SLC16A3: variants seen among roughly 807,000 people sequenced by gnomAD.
SLC16A3 encodes the protein monocarboxylate transporter 4.
In SLC16A3, 22 loss-of-function variants were observed where a neutral mutation model predicts 25.0. The observed-to-expected ratio is 0.88, with a 90% CI of 0.63 to 1.26. The LOEUF is 1.26. SLC16A3 is among the 50% of genes most tolerant of loss of function. The pLI is 0.00. For synonymous variants in SLC16A3, 390 were observed against 309.2 expected, an observed-to-expected ratio of 1.26 and a Z score of -2.74; for missense variants, 731 against 666.6, an observed-to-expected ratio of 1.10 and a Z score of -1.06.
In SLC16A3 at chr17:82,237,119, C is replaced by T; in HGVS notation, c.368-19C>T. 6.7e-7 allele frequency: 1 copy of T among 1,493,984 alleles called. No individual in the cohort carries two copies. Among genetic ancestry groups the T allele is most frequent in the Non-Finnish European group, 8.9e-7 (1 of 1,120,092 alleles). 92.5% of individuals were successfully genotyped at this position (1,493,984 alleles called of 1,614,324 possible). A position where few individuals can be genotyped will look rare whatever the true frequency, so the allele number is the denominator to read the frequency against. ...TGGGGCAGCCTTGGGGGGCTCTCAC[C>T]ACATTCCCTTTCCTCCAGGGTTGGG... On this transcript the variant is annotated intron_variant, in intron 3 of 4. Coordinates refer to ENST00000582743, the MANE Select transcript of SLC16A3 (RefSeq NM_004207.4).
chr17:82,224,339 CAGTCACCT>C (rs2050408335), upstream of SLC16A3, among the ~76,000 whole-genome samples: 1 of 112,546 alleles, frequency 8.9e-6, no homozygotes. Context: ...TACACCTGTG[CAGTCACCT>C]GTGCAGACAC....
In SLC16A3 at chr17:82,237,218, G is replaced by A. The variant is rs1390615828; in HGVS notation, c.448G>A (p.Gly150Arg). 1.3e-6 allele frequency: 2 copies of A among 1,547,380 alleles called. No individual in the cohort carries two copies. The highest frequency in any genetic ancestry group is 2.0e-5 in the Admixed American group (1 of 50,264). The change falls in exon 4 of 5, where the codon GGG becomes AGG. Residue 150 changes from glycine to arginine, a missense_variant. Coordinates refer to ENST00000582743, the MANE Select transcript of SLC16A3 (RefSeq NM_004207.4). ...YFSKRRPMAN[G>R]LAAAGSPVFL... is the part of the protein sequence containing the mutation. ...CAGCAAGCGGCGCCCCATGGCCAAC[G>A]GGCTGGCGGCAGCAGGTAGCCCTGT...
At chr17:82,232,921 G>GGGGGA (rs1234524686) in intron 1 of SLC16A3, among the ~76,000 whole-genome samples, 1 of 150,650 alleles carries the variant, frequency 6.6e-6, no homozygotes, top group Non-Finnish European at 1.5e-5. Flanking sequence ...GGGGCGGCGG[G>GGGGGA]GGGGGGGTTG....
chr17:82,237,055 C>T, intron 3 of SLC16A3, 83 bp from the exon 4 acceptor site: 1 of 1,458,662 alleles, frequency 6.9e-7, no homozygotes, highest in Non-Finnish European at 9.1e-7. Context: ...GAGCCTGAGC[C>T]TGTGGGAACC....
At chr17:82,236,549 C>T (rs931516778) in intron 2 of SLC16A3, 180 bp from the exon 3 acceptor site, 9 of 815,970 alleles carry the variant, frequency 1.1e-5, no homozygotes, top group South Asian at 1.7e-5. Flanking sequence ...GCCCAGCAGG[C>T]GGCGCTCACG....
intron 1 of SLC16A3, among the ~76,000 whole-genome samples, chr17:82,232,972 G>A (rs1047395055): frequency 3.3e-5 from 5 of 149,694 alleles, no homozygotes; most frequent in East Asian, 4.0e-4. Flanking sequence ...GTGTGCCCAC[G>A]GAGAGGCCAA....
chr17:82,223,882 G>A (rs567354650), upstream of SLC16A3, among the ~76,000 whole-genome samples: 5 of 152,064 alleles, frequency 3.3e-5, no homozygotes, highest in East Asian at 5.8e-4. Flanking sequence ...GTGACAGAGC[G>A]AGAGGTCACT....
intron 1 of SLC16A3, chr17:82,233,875 C>T (rs2050541593): frequency 6.6e-6 from 1 of 152,052 alleles, no homozygotes; most frequent in Admixed American, 6.6e-5. Flanking sequence ...GAGTCTCGCT[C>T]TGTGGCCCAG....
chr17:82,227,568 A>G (rs924113790), upstream of SLC16A3, among the ~76,000 whole-genome samples: 9 of 123,678 alleles, frequency 7.3e-5, no homozygotes, highest in African/African-American at 4.2e-4. Flanking sequence ...GTGCAGGAAG[A>G]TGGGAGCACC....
At chr17:82,230,482 T>G (rs1243503651) in intron 1 of SLC16A3, 1 of 152,410 alleles carries the variant, frequency 6.6e-6, no homozygotes, top group African/African-American at 2.4e-5. Flanking sequence ...CAGACCCCAC[T>G]GACTGGAGCG....
intron 1 of SLC16A3, chr17:82,235,013 C>T (rs2147125405): frequency 6.6e-6 from 1 of 152,424 alleles, no homozygotes; most frequent in South Asian, 2.1e-4. Context: ...GAGGAGAGGA[C>T]AAGGTGACTT....
At position 82,237,725 on chromosome 17, in the gene SLC16A3, G is replaced by A. The variant is rs754295601; in HGVS notation, c.955G>A (p.Gly319Ser). ...DLAGSTAGDYGGLVVFCIFFG... is the reference protein window; with the variant it reads ...DLAGSTAGDYSGLVVFCIFFG... ...GGCGGGTTCTACGGCGGGCGACTAC[G>A]GCGGCCTCGTGGTCTTCTGCATCTT... The change falls in exon 4 of 5, where the codon GGC (glycine) becomes AGC (serine). Residue 319 changes from glycine to serine, a missense_variant. Transcript: ENST00000582743. The A allele has an allele frequency of 3.7e-5, 60 of 1,612,102 alleles. No individual in the cohort carries two copies. Among genetic ancestry groups the A allele is most frequent in the Middle Eastern group, 1.7e-4 (1 of 6,060 alleles).
At position 82,235,967 on chromosome 17, in the gene SLC16A3, C is replaced by G; in HGVS notation, c.-26-16C>G. Reference sequence around the variant, plus strand: ...GGTCACCCGGGCAGCCTGAGTCAGCCTGCTTTCTCTCTCAGGTGAGGCGGA... The same window carrying G: ...GGTCACCCGGGCAGCCTGAGTCAGCGTGCTTTCTCTCTCAGGTGAGGCGGA... On this transcript the variant is annotated splice_polypyrimidine_tract_variant and intron_variant, in intron 1 of 4. Coordinates refer to ENST00000582743, the MANE Select transcript of SLC16A3 (RefSeq NM_004207.4). The G allele has an allele frequency of 6.5e-7, 1 of 1,550,000 alleles. No homozygotes were observed.
At chr17:82,227,681 GGA>G (rs397857795), upstream of SLC16A3, among the ~76,000 whole-genome samples, 1 of 17,536 alleles carries the variant, frequency 5.7e-5, no homozygotes, top group African/African-American at 2.1e-4. Flanking sequence ...GCCCTGGGCG[GGA>G]GCAGCACGGG....
chr17:82,228,855 G>T (rs1450433961), upstream of SLC16A3, among the ~76,000 whole-genome samples: 2 of 150,798 alleles, frequency 1.3e-5, no homozygotes, highest in Non-Finnish European at 3.0e-5. Context: ...GTTCCGGTTG[G>T]GGGGGTCCCT....
In SLC16A3 at chr17:82,236,149, G is replaced by A. The variant is rs751800858; in HGVS notation, c.141G>A (p.Lys47=). The change falls in exon 2 of 5, where the codon AAG becomes AAA. Residue 47 remains lysine (K), a synonymous_variant. Coordinates refer to ENST00000582743, the MANE Select transcript of SLC16A3 (RefSeq NM_004207.4). The part of the protein sequence containing the change: ...AFPKAVSVFF[K]ELIQEFGIGY... ...CCAAGGCCGTCAGTGTCTTCTTCAA[G>A]GAGCTCATACAGGAGTTTGGGATCG... The A allele has an allele frequency of 1.9e-6, 3 of 1,613,342 alleles. No individual in the cohort carries two copies. In the South Asian group the frequency reaches 3.3e-5, roughly 18 times the overall value.
chr17:82,226,665 T>TGGGGCCAGGCCTGGAATGCCCCCC (rs1230875324), upstream of SLC16A3, among the ~76,000 whole-genome samples: 2 of 152,034 alleles, frequency 1.3e-5, no homozygotes, highest in Non-Finnish European at 2.9e-5. Context: ...ACCTGGGCCC[T>TGGGGCCAGGCCTGGAATGCCCCCC]GGTGCCAGGC....
intron 1 of SLC16A3, chr17:82,235,252 G>A (rs1228192483): frequency 1.3e-5 from 2 of 153,052 alleles, no homozygotes; most frequent in African/African-American, 4.9e-5. Flanking sequence ...CTCACTGGAG[G>A]AGTCACTGAG....
chr17:82,225,327 G>A (rs2050415192), upstream of SLC16A3, among the ~76,000 whole-genome samples: 1 of 152,214 alleles, frequency 6.6e-6, no homozygotes. Context: ...AGTGAAGGGA[G>A]GGCGCAGATT....
Sources: gnomAD v4.1 joint callset for allele counts (sites outside exome capture counted in the v4.1 genomes callset) on GRCh38, gnomAD v4.1.1 for gene constraint, MANE v1.5 for transcripts, NCBI Gene and HGNC (gene_info 2026-07-23, HGNC 2026-07-21) for gene names.